Variants in PTPRN2 observed in about 807,000 individuals in gnomAD.
The protein encoded by PTPRN2 is receptor-type tyrosine-protein phosphatase N2.
PTPRN2 carries 74 observed loss-of-function variants against 118.8 expected under a neutral mutation model. The observed-to-expected ratio is 0.62, with a 90% CI of 0.52 to 0.76. PTPRN2 has a LOEUF of 0.76. Among genes scored for constraint, PTPRN2 ranks in the 30% least tolerant of loss-of-function variants. PTPRN2 has a pLI of 0.00. For synonymous variants in PTPRN2, 641 were observed against 608.0 expected (o/e 1.05, Z -0.80); for missense variants, 1,481 against 1,394.4 (o/e 1.06, Z -0.99).
chr7:157,934,670 C>T (rs150237312), intron 11 of PTPRN2, among the ~76,000 whole-genome samples: 6 of 152,330 alleles, frequency 3.9e-5, no homozygotes, highest in African/African-American at 7.2e-5. Flanking sequence ...GCAAAGCATC[C>T]GGCCTTGGAC....
intron 3 of PTPRN2, among the ~76,000 whole-genome samples, chr7:158,293,237 C>T (rs1450386006): frequency 1.3e-5 from 2 of 152,156 alleles, no homozygotes; most frequent in South Asian, 2.1e-4. Context: ...TTAGGCTACA[C>T]TAAATTTATA....
intron 9 of PTPRN2, among the ~76,000 whole-genome samples, chr7:158,112,263 AGAG>A (rs1816344216): frequency 6.6e-6 from 1 of 152,202 alleles, no homozygotes; most frequent in Non-Finnish European, 1.5e-5. Flanking sequence ...GGAAGGGCAG[AGAG>A]GAGAGACTGT....
At chr7:157,877,549 G>A (rs1387001788) in intron 12 of PTPRN2, among the ~76,000 whole-genome samples, 2 of 151,920 alleles carry the variant, frequency 1.3e-5, no homozygotes, top group African/African-American at 4.8e-5. Flanking sequence ...CCAGGTCCGA[G>A]TGCCCTACCC....
chr7:157,821,577 G>A (rs1442583564), intron 12 of PTPRN2, among the ~76,000 whole-genome samples: 2 of 152,204 alleles, frequency 1.3e-5, no homozygotes, highest in African/African-American at 2.4e-5. Flanking sequence ...CTCAAAAGCT[G>A]ATGGAGAGCC....
intron 12 of PTPRN2, among the ~76,000 whole-genome samples, chr7:157,825,240 G>A (rs987984515): frequency 2.5e-4 from 38 of 152,120 alleles, no homozygotes; most frequent in African/African-American, 4.6e-4. Flanking sequence ...TGGGACGCGC[G>A]CCCTGCTCCT....
rs1220249310 is a variant in PTPRN2 at position 157,831,133 on chromosome 7, G to A, written c.1788+67540C>T. 1.3e-5 allele frequency among the ~76,000 whole-genome samples: 2 copies of A among 152,138 alleles called. No individual in the cohort carries two copies. The highest frequency in any genetic ancestry group is 4.8e-5 in the African/African-American group (2 of 41,420). ...GTGGAGTTTGCAAAATAAAATTCTG[G>A]GATAAAGGGAGAAGCACAGGAAGAG... On this transcript the variant is annotated intron_variant, in intron 12 of 22. Coordinates refer to ENST00000389418, the MANE Select transcript of PTPRN2 (RefSeq NM_002847.5). This position sits in a 1 kb window ranked among gnomAD's most constrained non-coding sequence, Gnocchi z 4.8.
intron 12 of PTPRN2, among the ~76,000 whole-genome samples, chr7:157,701,577 C>T (rs923576496): frequency 6.6e-6 from 1 of 152,164 alleles, no homozygotes; most frequent in Non-Finnish European, 1.5e-5. Context: ...CTTCCAGGGG[C>T]GTCTCCTCCT....
intron 11 of PTPRN2, among the ~76,000 whole-genome samples, chr7:157,926,205 G>A (rs1254809760): frequency 6.6e-6 from 1 of 150,524 alleles, no homozygotes; most frequent in Non-Finnish European, 1.5e-5. Context: ...GAGGGTCCAT[G>A]CATTACCTCC....
chr7:158,571,148 A>AT (rs1049460047), intron 1 of PTPRN2, among the ~76,000 whole-genome samples: 32 of 151,228 alleles, frequency 2.1e-4, no homozygotes, highest in Non-Finnish European at 2.8e-4. Context: ...GTTTTTGCTT[A>AT]TTTTTTTTTA....
chr7:158,406,514 T>C (rs1191648806), intron 2 of PTPRN2, among the ~76,000 whole-genome samples: 1 of 152,268 alleles, frequency 6.6e-6, no homozygotes, highest in African/African-American at 2.4e-5. Flanking sequence ...GTGGTGCTTA[T>C]CTCAGGAAGG....
At chr7:157,898,640 C>T (rs760087297) in intron 12 of PTPRN2, 33 bp downstream of exon 12, 17 of 1,535,634 alleles carry the variant, frequency 1.1e-5, no homozygotes, top group African/African-American at 4.1e-5. Context: ...CACTGCAGAT[C>T]GCAGAGCAGA....
At chr7:157,601,925 A>G (rs541923483) in intron 16 of PTPRN2, among the ~76,000 whole-genome samples, 1 of 152,330 alleles carries the variant, frequency 6.6e-6, no homozygotes, top group South Asian at 2.1e-4. Flanking sequence ...CACATAGTAC[A>G]GGAACGGAAT....
At chr7:158,426,103 A>G (rs374752138) in intron 2 of PTPRN2, among the ~76,000 whole-genome samples, 4 of 3,406 alleles carry the variant, frequency 1.2e-3, no homozygotes, top group Non-Finnish European at 1.4e-3. Flanking sequence ...CACCGCCGGG[A>G]AAGACGCGGT....
intron 12 of PTPRN2, among the ~76,000 whole-genome samples, chr7:157,730,410 C>T (rs1799829334): frequency 2.0e-5 from 3 of 152,328 alleles, no homozygotes; most frequent in African/African-American, 7.2e-5. Flanking sequence ...AAGCGGCAGA[C>T]ATTTGAAAGC....
intron 3 of PTPRN2, among the ~76,000 whole-genome samples, chr7:158,257,704 G>A (rs993251472): frequency 3.3e-5 from 5 of 152,360 alleles, no homozygotes; most frequent in Admixed American, 3.3e-4. Flanking sequence ...CGCTCCTGGA[G>A]GACTGACCAA....
intron 6 of PTPRN2, among the ~76,000 whole-genome samples, chr7:158,163,683 T>A (rs1251773161): frequency 1.3e-5 from 2 of 151,806 alleles, no homozygotes; most frequent in African/African-American, 4.8e-5. Flanking sequence ...CTCTGCTTAT[T>A]TCATAGGTGA....
chr7:158,216,273 A>G (rs1827949862), intron 3 of PTPRN2, among the ~76,000 whole-genome samples: 1 of 152,160 alleles, frequency 6.6e-6, no homozygotes, highest in African/African-American at 2.4e-5. Context: ...CAAAATCATT[A>G]AAGTAACTCA....
Position 158,110,886 on chromosome 7 carries a change from A to C in PTPRN2, c.1586T>G (p.Leu529Arg), listed in dbSNP as rs1816194274. Residue 529 changes from leucine (L) to arginine (R), a missense_variant, in exon 10 of 23, where the codon CTG becomes CGG. By Grantham distance (102) the Leu-to-Arg change is moderately radical (BLOSUM62 -2). Coordinates refer to ENST00000389418, the MANE Select transcript of PTPRN2 (RefSeq NM_002847.5). ...CAGGAGGCGGGCGACGTCCTCCACC[A>C]GCCGCCTTCCTTCCTCGGGGCGCAG... The part of the protein sequence containing the change: ...DPLRPEEGRR[L>R]VEDVARLLQV... The C allele has an allele frequency of 6.3e-7, 1 of 1,582,898 alleles. No individual in the cohort carries two copies. Among genetic ancestry groups the C allele is most frequent in the Admixed American group, 1.8e-5 (1 of 56,796 alleles).
intron 10 of PTPRN2, among the ~76,000 whole-genome samples, chr7:158,097,922 G>A (rs1585426314): frequency 6.6e-6 from 1 of 152,146 alleles, no homozygotes; most frequent in African/African-American, 2.4e-5. Flanking sequence ...TTCCTTTCCC[G>A]GAACAATGAG....
Sources: gnomAD v4.1 joint callset for allele counts (sites outside exome capture counted in the v4.1 genomes callset) on GRCh38, gnomAD v4.1.1 for gene constraint, Gnocchi (gnomAD v3.1) non-coding constraint, MANE v1.5 for transcripts, NCBI Gene and HGNC (gene_info 2026-07-23, HGNC 2026-07-21) for gene names.